CCPG1: variants seen among roughly 807,000 people sequenced by gnomAD.
CCPG1 encodes cell cycle progression protein 1.
In CCPG1, 46 loss-of-function variants were observed where a neutral mutation model predicts 81.3. That is an observed-to-expected ratio of 0.57 (90% CI 0.45 to 0.72). The LOEUF is 0.72. Ranked by LOEUF, CCPG1 falls within the 30% of genes least tolerant of loss-of-function variation. The pLI is 0.00. For missense variants in CCPG1, 902 were observed against 937.6 expected, an observed-to-expected ratio of 0.96 and a Z score of 0.50; for synonymous variants, 330 against 305.2, an observed-to-expected ratio of 1.08 and a Z score of -0.85.
At chr15:55,379,853 G>A (rs1305262440) in intron 3 of CCPG1, among the ~76,000 whole-genome samples, 1 of 151,960 alleles carries the variant, frequency 6.6e-6, no homozygotes, top group Non-Finnish European at 1.5e-5. Context: ...AATCCCAGCA[G>A]TTTGGGAGGC....
intron 3 of CCPG1, among the ~76,000 whole-genome samples, chr15:55,380,813 G>A (rs1411553765): frequency 6.6e-6 from 1 of 151,660 alleles, no homozygotes; most frequent in African/African-American, 2.4e-5. Context: ...AGGAGTTCAA[G>A]ACCAGCCTGA....
intron 1 of CCPG1, among the ~76,000 whole-genome samples, chr15:55,394,408 A>T (rs191111774): frequency 6.6e-6 from 1 of 152,348 alleles, no homozygotes; most frequent in Admixed American, 6.5e-5. Flanking sequence ...AACAAGAAGT[A>T]GGTGAGGGCT....
At chr15:55,377,198 G>C (rs1359813537) in intron 4 of CCPG1, 48 bp from the exon 5 acceptor site, 3 of 1,331,992 alleles carry the variant, frequency 2.3e-6, no homozygotes, top group East Asian at 4.6e-5. Context: ...ATCATTTAAG[G>C]GTCTTACATT....
chr15:55,373,391 C>CCA (rs1269166664), intron 5 of CCPG1, among the ~76,000 whole-genome samples: 7 of 152,112 alleles, frequency 4.6e-5, no homozygotes, highest in Non-Finnish European at 1.0e-4. Context: ...GATATCCATG[C>CCA]CACAGGAAAG....
chr15:55,400,203 CAAAAAAAAA>C (rs61331208), intron 1 of CCPG1, among the ~76,000 whole-genome samples: 4 of 32,950 alleles, frequency 1.2e-4, no homozygotes, highest in Non-Finnish European at 2.0e-4. Context: ...TACTCTACCT[CAAAAAAAAA>C]AAAAAAAAAA....
At chr15:55,383,086 T>G (rs1197570352) in intron 3 of CCPG1, among the ~76,000 whole-genome samples, 2 of 152,218 alleles carry the variant, frequency 1.3e-5, no homozygotes, top group African/African-American at 4.8e-5. Context: ...ACAAAATGTA[T>G]TTATTAAATA....
At chr15:55,365,417 T>TG in intron 6 of CCPG1, 108 bp from the exon 7 acceptor site, 3 of 655,464 alleles carry the variant, frequency 4.6e-6, no homozygotes, top group Non-Finnish European at 5.0e-6. Context: ...AGTCTTTTTT[T>TG]TGTTTTTTTT....
chr15:55,405,933 C>T (rs750320400), intron 1 of CCPG1, among the ~76,000 whole-genome samples: 4 of 152,240 alleles, frequency 2.6e-5, no homozygotes, highest in East Asian at 1.9e-4. Flanking sequence ...GGCATGATCT[C>T]GGCTCACTGC....
Position 55,371,782 on chromosome 15 carries a change from T to C in CCPG1, c.706+11A>G. On this transcript the variant is annotated intron_variant, in intron 6 of 8. Coordinates refer to ENST00000442196, the MANE Select transcript of CCPG1 (RefSeq NM_001204450.2). ...CATCAGGTTATGTATAACACATTTT[T>C]GAGTACTTACCATAGAAATGGCCAA... is the stretch of plus-strand genomic sequence containing the variant. 6.2e-7 allele frequency: 1 copy of C among 1,611,680 alleles called. No individual in the cohort carries two copies. The highest frequency in any genetic ancestry group is 8.5e-7 in the Non-Finnish European group (1 of 1,177,998).
At chr15:55,362,551 C>A (rs1174945855) in intron 7 of CCPG1, among the ~76,000 whole-genome samples, 1 of 152,146 alleles carries the variant, frequency 6.6e-6, no homozygotes, top group African/African-American at 2.4e-5. Flanking sequence ...GTAGAAGAGA[C>A]TGATGCACTG....
chr15:55,397,677 A>C (rs2057047267), intron 1 of CCPG1, among the ~76,000 whole-genome samples: 1 of 152,150 alleles, frequency 6.6e-6, no homozygotes, highest in South Asian at 2.1e-4. Context: ...AGGTTATGAG[A>C]AGAAAATCAG....
At chr15:55,358,908 T>C (rs1595817245) in intron 8 of CCPG1, 2 of 962,780 alleles carry the variant, frequency 2.1e-6, no homozygotes, top group Non-Finnish European at 2.5e-6. Flanking sequence ...GAAGCTAACA[T>C]TTGAAGATTA....
At chr15:55,394,515 G>T (rs1046929899) in intron 1 of CCPG1, among the ~76,000 whole-genome samples, 107 of 151,948 alleles carry the variant, frequency 7.0e-4, no homozygotes, top group African/African-American at 2.5e-3. Context: ...TCTTCTAACA[G>T]ATTACAAAAA....
intron 6 of CCPG1, among the ~76,000 whole-genome samples, chr15:55,366,576 A>G (rs2056332040): frequency 6.6e-6 from 1 of 152,172 alleles, no homozygotes; most frequent in Non-Finnish European, 1.5e-5. Context: ...GTTCGAGACC[A>G]GCCTGACCAA....
At position 55,360,357 on chromosome 15, in the gene CCPG1, T is replaced by C; in HGVS notation, c.1416A>G (p.Arg472=). 1 of 1,613,994 alleles carries C rather than the reference T, an allele frequency of 6.2e-7. No individual in the cohort carries two copies. Among genetic ancestry groups the C allele is most frequent in the Non-Finnish European group, 8.5e-7 (1 of 1,180,022 alleles). The change falls in exon 8 of 9, where the codon AGA becomes AGG. Residue 472 remains arginine, a synonymous_variant. Coordinates refer to ENST00000442196, the MANE Select transcript of CCPG1 (RefSeq NM_001204450.2). ...QGTDGKKKGG[R]GSHRAKNKSK... ...ACTTATTTTTAGCCCTGTGGCTTCC[T>C]CTGCCCCCTTTCTTTTTTCCATCTG...
intron 2 of CCPG1, among the ~76,000 whole-genome samples, chr15:55,386,333 A>G (rs1395247414): frequency 6.6e-6 from 1 of 152,214 alleles, no homozygotes; most frequent in East Asian, 1.9e-4. Context: ...AAATAAACCT[A>G]TAGGGTTAAT....
chr15:55,380,676 AG>A (rs1207738237), intron 3 of CCPG1, among the ~76,000 whole-genome samples: 5 of 152,236 alleles, frequency 3.3e-5, no homozygotes, highest in Admixed American at 2.6e-4. Flanking sequence ...ACCCTCTAAC[AG>A]AAAATTAATT....
rs553706327 is a variant in CCPG1 at position 55,386,670 on chromosome 15, G to A, written c.61-956C>T. Among the ~76,000 whole-genome samples, 28 of 152,188 alleles carry A rather than the reference G, an allele frequency of 1.8e-4. No homozygotes were observed. The East Asian group carries it at 4.6e-3, about 25-fold the overall frequency. Reference sequence around the variant, plus strand: ...AGCACCTTGGGAGCCTGAGGCGGGCGGATCACGAGGTCAGGAGATCGAGAC... The same window carrying A: ...AGCACCTTGGGAGCCTGAGGCGGGCAGATCACGAGGTCAGGAGATCGAGAC... On this transcript the variant is annotated intron_variant, in intron 2 of 8. Transcript: ENST00000442196.
chr15:55,395,071 C>T (rs1182409796), intron 1 of CCPG1, among the ~76,000 whole-genome samples: 2 of 152,050 alleles, frequency 1.3e-5, no homozygotes, highest in African/African-American at 4.8e-5. Context: ...AGCCTTCTTC[C>T]CTGGCAATAC....
Sources: gnomAD v4.1 joint callset for allele counts (sites outside exome capture counted in the v4.1 genomes callset) on GRCh38, gnomAD v4.1.1 for gene constraint, MANE v1.5 for transcripts, NCBI Gene and HGNC (gene_info 2026-07-23, HGNC 2026-07-21) for gene names.